Variants in MBD2 observed in about 807,000 individuals in gnomAD.
MBD2 encodes the protein methyl-CpG binding domain protein 2.
In MBD2, 9 loss-of-function variants were observed where a neutral mutation model predicts 39.3. That is an observed-to-expected ratio of 0.23 (90% CI 0.14 to 0.40). The LOEUF is 0.40. Among genes scored for constraint, MBD2 ranks in the 10% least tolerant of loss-of-function variants. The probability of loss-of-function intolerance (pLI) is 1.00; values close to 1 mark genes in which losing one functional copy is unlikely to be tolerated. For synonymous variants in MBD2, 233 were observed against 211.1 expected, an observed-to-expected ratio of 1.10 and a Z score of -0.90; for missense variants, 458 against 532.6, an observed-to-expected ratio of 0.86 and a Z score of 1.38.
intron 3 of MBD2, among the ~76,000 whole-genome samples, chr18:54,185,592 C>T (rs537050661): frequency 1.3e-5 from 2 of 152,180 alleles, no homozygotes; most frequent in East Asian, 3.9e-4. Flanking sequence ...CTAGGAAAGG[C>T]ATTGTTACCA....
At chr18:54,165,282 A>C (rs1161956318) in intron 4 of MBD2, among the ~76,000 whole-genome samples, 1 of 152,214 alleles carries the variant, frequency 6.6e-6, no homozygotes, top group Non-Finnish European at 1.5e-5. Context: ...CAAAATATCC[A>C]AAATCAGAGA....
intron 1 of MBD2, among the ~76,000 whole-genome samples, chr18:54,210,965 G>A (rs973677629): frequency 4.8e-5 from 7 of 145,992 alleles, no homozygotes; most frequent in Admixed American, 2.8e-4. Flanking sequence ...TCCGCCTCCC[G>A]GGTTCACGCC....
chr18:54,204,502 G>C (rs907293115), intron 2 of MBD2, among the ~76,000 whole-genome samples: 1 of 152,114 alleles, frequency 6.6e-6, no homozygotes, highest in African/African-American at 2.4e-5. Context: ...CAAACAGCTC[G>C]ATAAAACTAA....
chr18:54,200,018 GCCATATACCAAT>G (rs545550071), intron 2 of MBD2, among the ~76,000 whole-genome samples: 106 of 151,988 alleles, frequency 7.0e-4, no homozygotes, highest in African/African-American at 2.5e-3. Flanking sequence ...CTAGTATACA[GCCATATACCAAT>G]CCAAGTGTGT....
intron 6 of MBD2, among the ~76,000 whole-genome samples, chr18:54,158,767 T>C (rs551175140): frequency 6.6e-6 from 1 of 152,076 alleles, no homozygotes; most frequent in East Asian, 1.9e-4. Context: ...AATTACAAAA[T>C]TCCAGCTATT....
chr18:54,158,877 C>T (rs1302302860), intron 6 of MBD2, among the ~76,000 whole-genome samples: 2 of 152,158 alleles, frequency 1.3e-5, no homozygotes, highest in Non-Finnish European at 2.9e-5. Context: ...ATCCGCCTGC[C>T]TTGGCATGCC....
chr18:54,175,460 C>T (rs2086205347), intron 3 of MBD2, among the ~76,000 whole-genome samples: 1 of 152,232 alleles, frequency 6.6e-6, no homozygotes, highest in Non-Finnish European at 1.5e-5. Context: ...CTCCTGATCA[C>T]ATCTTCTACC....
chr18:54,201,165 G>A lies in MBD2; in HGVS notation c.702+3833C>T, dbSNP rs570107394. On this transcript the variant is annotated intron_variant, in intron 2 of 6. Transcript: ENST00000256429. The stretch of plus-strand genomic sequence containing the variant: ...GCCACCTGTGGCTGAAAAGAGTCCC[G>A]TCATCACAGAATGTTCCCCTGGATA... 3.3e-4 allele frequency among the ~76,000 whole-genome samples: 50 copies of A among 152,070 alleles called. No individual in the cohort carries two copies. The South Asian group carries it at 5.8e-3, about 18-fold the overall frequency.
At chr18:54,192,358 G>A (rs1222348295) in intron 2 of MBD2, among the ~76,000 whole-genome samples, 4 of 152,194 alleles carry the variant, frequency 2.6e-5, no homozygotes, top group Middle Eastern at 3.4e-3. Context: ...TCAGCCTCCT[G>A]AGTAGCTGGG....
chr18:54,175,334 C>T (rs962536624), intron 3 of MBD2, among the ~76,000 whole-genome samples: 3 of 152,236 alleles, frequency 2.0e-5, no homozygotes, highest in Non-Finnish European at 2.9e-5. Context: ...AAAAGCCAGG[C>T]GTGAAGCCTG....
chr18:54,194,749 CCATT>C (rs1368606368), intron 2 of MBD2, among the ~76,000 whole-genome samples: 1 of 151,920 alleles, frequency 6.6e-6, no homozygotes, highest in Non-Finnish European at 1.5e-5. Flanking sequence ...TTATTCCACG[CCATT>C]CAAATTCTCT....
intron 3 of MBD2, among the ~76,000 whole-genome samples, chr18:54,169,791 T>A (rs1219137384): frequency 6.6e-6 from 1 of 152,140 alleles, no homozygotes; most frequent in African/African-American, 2.4e-5. Flanking sequence ...ATAGAATAGG[T>A]ATAAGGAACA....
At chr18:54,222,951 G>T (rs1046792842) in intron 1 of MBD2, among the ~76,000 whole-genome samples, 2 of 152,168 alleles carry the variant, frequency 1.3e-5, no homozygotes, top group Non-Finnish European at 2.9e-5. Context: ...ACTTGAAGAG[G>T]ACAGGAAATC....
At chr18:54,168,840 C>G (rs1477612259) in intron 3 of MBD2, among the ~76,000 whole-genome samples, 2 of 152,008 alleles carry the variant, frequency 1.3e-5, no homozygotes, top group African/African-American at 4.8e-5. Flanking sequence ...CTGAAACAGT[C>G]CTCAGGCGGT....
chr18:54,184,135 CA>C (rs879737669), intron 3 of MBD2, among the ~76,000 whole-genome samples: 91 of 149,820 alleles, frequency 6.1e-4, no homozygotes, highest in South Asian at 2.1e-4. Flanking sequence ...TCCCCCCACC[CA>C]AAAAAAAAGT....
Position 54,166,141 on chromosome 18 carries a change from C to A in MBD2, c.866G>T (p.Gly289Val), listed in dbSNP as rs1432279405. Reference protein sequence around the residue: ...RQLFWEKRLQGLSASDVTEQI... With the variant: ...RQLFWEKRLQVLSASDVTEQI... ...TTCTGTTACATCTGATGCACTAAGT[C>A]CTTGTAGCCTCTTCTCCCAGAAAAG... Residue 289 changes from glycine (G) to valine (V), a missense_variant, in exon 4 of 7, where the codon GGA (glycine) becomes GTA (valine). This residue lies in a region of MBD2 where 189 missense variants were observed against 296.6 expected (regional missense o/e 0.64). Transcript: ENST00000256429. 6.2e-7 allele frequency: 1 copy of A among 1,613,642 alleles called. No homozygotes were observed. The highest frequency in any genetic ancestry group is 8.5e-7 in the Non-Finnish European group (1 of 1,179,646).
rs540591763 is a variant in MBD2 at position 54,209,893 on chromosome 18, A to T, written c.543-4736T>A. 2.0e-5 allele frequency among the ~76,000 whole-genome samples: 3 copies of T among 152,306 alleles called. No homozygotes were observed. The South Asian group carries it at 6.2e-4, about 32-fold the overall frequency. On this transcript the variant is annotated intron_variant, in intron 1 of 6. Coordinates refer to ENST00000256429, the MANE Select transcript of MBD2 (RefSeq NM_003927.5). ...GTTTAATCACCTGTCTACCCTCAATAATGGCTGCTGTAGGTCCTGGTCTCA... is the reference window on the plus strand; with the variant it reads ...GTTTAATCACCTGTCTACCCTCAATTATGGCTGCTGTAGGTCCTGGTCTCA...
rs1429372180 is a variant in MBD2 at position 54,186,836 on chromosome 18, C to A, written c.840+2038G>T. 3.3e-5 allele frequency among the ~76,000 whole-genome samples: 5 copies of A among 152,174 alleles called. No individual in the cohort carries two copies. The East Asian group carries it at 9.6e-4, about 29-fold the overall frequency. Reference sequence around the variant, plus strand: ...CAAGCTAAAAGGAAGATTAAACCCTCAAAAGATCTGGGTTGAAATGACGTA... The same window carrying A: ...CAAGCTAAAAGGAAGATTAAACCCTAAAAAGATCTGGGTTGAAATGACGTA... On this transcript the variant is annotated intron_variant, in intron 3 of 6. Transcript: ENST00000256429.
At chr18:54,218,512 C>G (rs1177284225) in intron 1 of MBD2, among the ~76,000 whole-genome samples, 1 of 152,222 alleles carries the variant, frequency 6.6e-6, no homozygotes, top group East Asian at 1.9e-4. Context: ...TGCCATGCAA[C>G]AGAGCATGGT....
Sources: gnomAD v4.1 joint callset for allele counts (sites outside exome capture counted in the v4.1 genomes callset) on GRCh38, gnomAD v4.1.1 for gene constraint, gnomAD v4.1.1 regional missense constraint, MANE v1.5 for transcripts, NCBI Gene and HGNC (gene_info 2026-07-23, HGNC 2026-07-21) for gene names.